SP100: variants seen among roughly 807,000 people sequenced by gnomAD.
The protein encoded by SP100 is SP100 nuclear body protein.
In SP100, 84 loss-of-function variants were observed where a neutral mutation model predicts 130.0. The ratio of observed to expected loss-of-function variants is 0.65; its 90% CI spans 0.54 to 0.77. The LOEUF is 0.77. SP100 is among the 30% of genes least tolerant of loss of function. The pLI is 0.00. For missense variants in SP100, 978 were observed against 1,052.2 expected (o/e 0.93, Z 0.97); for synonymous variants, 331 against 351.7 (o/e 0.94, Z 0.66).
chr2:230,519,997 G>T (rs1691097281), intron 24 of SP100, among the ~76,000 whole-genome samples: 1 of 152,310 alleles, frequency 6.6e-6, no homozygotes, highest in African/African-American at 2.4e-5. Context: ...CATCTTGGTT[G>T]TTTTGAATGA....
At chr2:230,466,433 A>C in intron 12 of SP100, 79 bp downstream of exon 12, 1 of 817,742 alleles carries the variant, frequency 1.2e-6, no homozygotes, top group Non-Finnish European at 2.1e-6. Flanking sequence ...TTTTCTACAA[A>C]AGAGTCAGTC....
intron 17 of SP100, among the ~76,000 whole-genome samples, chr2:230,486,432 T>G (rs1325653798): frequency 1.3e-5 from 2 of 152,178 alleles, no homozygotes; most frequent in Non-Finnish European, 2.9e-5. Flanking sequence ...AGTGTTTGGT[T>G]TTCTGTTCCT....
At chr2:230,430,629 G>C (rs919173148) in intron 2 of SP100, among the ~76,000 whole-genome samples, 1 of 152,258 alleles carries the variant, frequency 6.6e-6, no homozygotes, top group African/African-American at 2.4e-5. Context: ...GTTCAGAAGT[G>C]TCACTGGCTG....
intron 17 of SP100, among the ~76,000 whole-genome samples, chr2:230,477,523 T>A (rs551003985): frequency 1.3e-5 from 2 of 152,198 alleles, no homozygotes; most frequent in Non-Finnish European, 2.9e-5. Context: ...TCTGTGTAAG[T>A]GAGGTGGGAA....
At chr2:230,486,312 C>T (rs2066090304) in intron 17 of SP100, among the ~76,000 whole-genome samples, 1 of 152,084 alleles carries the variant, frequency 6.6e-6, no homozygotes, top group South Asian at 2.1e-4. Flanking sequence ...ATTGACCCAT[C>T]CTCTAGGTTC....
At chr2:230,428,731 C>T (rs933031378) in intron 2 of SP100, among the ~76,000 whole-genome samples, 1 of 151,780 alleles carries the variant, frequency 6.6e-6, no homozygotes, top group Non-Finnish European at 1.5e-5. Flanking sequence ...CGTGAGCCAC[C>T]ACGCCTGGCC....
chr2:230,533,393 T>C (rs1409585331), intron 24 of SP100, among the ~76,000 whole-genome samples: 1 of 152,186 alleles, frequency 6.6e-6, no homozygotes, highest in Non-Finnish European at 1.5e-5. Context: ...TGAAGTGCTA[T>C]AGGAAGTAAT....
intron 24 of SP100, among the ~76,000 whole-genome samples, chr2:230,513,105 A>G (rs775987566): frequency 6.6e-6 from 1 of 152,186 alleles, no homozygotes; most frequent in Non-Finnish European, 1.5e-5. Context: ...ATTTCCTAAC[A>G]GGCCATGAGT....
intron 8 of SP100, among the ~76,000 whole-genome samples, chr2:230,453,007 T>A (rs1432153560): frequency 6.6e-6 from 1 of 152,102 alleles, no homozygotes; most frequent in Non-Finnish European, 1.5e-5. Flanking sequence ...GGGCAATCTG[T>A]ATTGGTCCAT....
At chr2:230,418,831 G>C (rs775799878) in intron 2 of SP100, among the ~76,000 whole-genome samples, 2 of 152,042 alleles carry the variant, frequency 1.3e-5, no homozygotes, top group Non-Finnish European at 2.9e-5. Flanking sequence ...CCTTATGCCA[G>C]TACCACGCTG....
At chr2:230,522,718 G>A (rs1691234294) in intron 24 of SP100, among the ~76,000 whole-genome samples, 1 of 151,664 alleles carries the variant, frequency 6.6e-6, no homozygotes, top group African/African-American at 2.4e-5. Flanking sequence ...TCAATCTCTT[G>A]ACCTCATGAT....
chr2:230,526,679 C>T (rs755627595), intron 24 of SP100, among the ~76,000 whole-genome samples: 13 of 151,942 alleles, frequency 8.6e-5, no homozygotes, highest in Non-Finnish European at 1.3e-4. Flanking sequence ...AAAGGTTAGA[C>T]GAATAGCTAA....
At chr2:230,457,994 CT>C (rs1482661633) in intron 8 of SP100, among the ~76,000 whole-genome samples, 1 of 152,178 alleles carries the variant, frequency 6.6e-6, no homozygotes, top group Non-Finnish European at 1.5e-5. Flanking sequence ...GAGAGTGAGT[CT>C]TTTTAACAGA....
chr2:230,540,095 C>A (rs1430043589), intron 25 of SP100, among the ~76,000 whole-genome samples: 1 of 152,140 alleles, frequency 6.6e-6, no homozygotes, highest in African/African-American at 2.4e-5. Flanking sequence ...GACCAGTTGG[C>A]CAATCTGCAG....
At chr2:230,460,342 G>A (rs2064521941) in intron 8 of SP100, among the ~76,000 whole-genome samples, 2 of 152,168 alleles carry the variant, frequency 1.3e-5, no homozygotes, top group Admixed American at 1.3e-4. Context: ...TCACAAGCAT[G>A]TTGAGTAAAA....
chr2:230,441,885 A>G (rs931227393), intron 2 of SP100, among the ~76,000 whole-genome samples: 3 of 152,174 alleles, frequency 2.0e-5, no homozygotes, highest in African/African-American at 7.2e-5. Context: ...GAAAGCATCC[A>G]TCCCCTATCT....
At position 230,443,048 on chromosome 2, in the gene SP100, A is replaced by G. The variant is rs186311085; in HGVS notation, c.219A>G (p.Pro73=). 3.7e-4 allele frequency: 591 copies of G among 1,614,138 alleles called. 3 individuals are homozygous for G. The East Asian group carries it at 0.012, about 34-fold the overall frequency. ...CAAATGCAATAAAAAAGACATTTCC[A>G]TTCCTCGAGGGCCTCCGTGATCGTG... The part of the protein sequence containing the change: ...EISNAIKKTF[P]FLEGLRDRDL... The change falls in exon 3 of 29, where the codon CCA becomes CCG. Residue 73 remains proline, a synonymous_variant. Coordinates refer to ENST00000340126, the MANE Select transcript of SP100 (RefSeq NM_001080391.2).
intron 2 of SP100, among the ~76,000 whole-genome samples, chr2:230,419,220 C>T (rs1269227348): frequency 6.6e-6 from 1 of 152,214 alleles, no homozygotes; most frequent in Non-Finnish European, 1.5e-5. Context: ...TGCAGTAAAA[C>T]TTGGTCCAAA....
chr2:230,423,532 C>A (rs1263671743), intron 2 of SP100, among the ~76,000 whole-genome samples: 1 of 151,734 alleles, frequency 6.6e-6, no homozygotes, highest in Non-Finnish European at 1.5e-5. Context: ...TATTTCTTTC[C>A]TAATTCTTTA....
Sources: gnomAD v4.1 joint callset for allele counts (sites outside exome capture counted in the v4.1 genomes callset) on GRCh38, gnomAD v4.1.1 for gene constraint, MANE v1.5 for transcripts, NCBI Gene and HGNC (gene_info 2026-07-23, HGNC 2026-07-21) for gene names.